The following TBC1D4 variants were observed in gnomAD, a reference collection of about 807,000 sequenced individuals.
TBC1D4 encodes TBC1 domain family member 4.
A neutral mutation model predicts 142.5 loss-of-function variants in TBC1D4; 121 were observed. The observed-to-expected ratio is 0.85, with a 90% CI of 0.73 to 0.99. TBC1D4 has a LOEUF of 0.99. Among genes scored for constraint, TBC1D4 ranks in the 50% least tolerant of loss-of-function variants. The pLI is 0.00. For synonymous variants in TBC1D4, 630 were observed against 628.2 expected (o/e 1.00, Z -0.04); for missense variants, 1,475 against 1,606.6 (o/e 0.92, Z 1.40).
chr13:75,430,355 A>T (rs1886546145), intron 1 of TBC1D4, among the ~76,000 whole-genome samples: 1 of 152,210 alleles, frequency 6.6e-6, no homozygotes, highest in South Asian at 2.1e-4. Flanking sequence ...TCATTTCTTT[A>T]AAAATTAAAC....
chr13:75,428,242 C>T (rs758995662), intron 1 of TBC1D4, among the ~76,000 whole-genome samples: 4 of 152,050 alleles, frequency 2.6e-5, no homozygotes, highest in Non-Finnish European at 5.9e-5. Context: ...TAAAATGCTT[C>T]GTGTCATGAA....
Position 75,294,921 on chromosome 13 carries a change from A to G in TBC1D4, c.3249T>C (p.Tyr1083=), listed in dbSNP as rs368043001. Residue 1083 remains tyrosine (Y), a synonymous_variant, in exon 18 of 21, where the codon TAT becomes TAC. Transcript: ENST00000377636. Reference sequence around the variant, plus strand: ...ACAATGTGAGGAACCAGGGGGCAGCATAAAGACTGGGGCTGATTTCATTTT... The same window carrying G: ...ACAATGTGAGGAACCAGGGGGCAGCGTAAAGACTGGGGCTGATTTCATTTT... ...LEENEISPSL[Y]AAPWFLTLFA... The G allele has an allele frequency of 2.5e-6, 4 of 1,613,920 alleles. No individual in the cohort carries two copies. The African/African-American group carries it at 5.3e-5, about 22-fold the overall frequency.
At chr13:75,397,072 A>C (rs892997697) in intron 1 of TBC1D4, among the ~76,000 whole-genome samples, 2 of 152,164 alleles carry the variant, frequency 1.3e-5, no homozygotes, top group Non-Finnish European at 2.9e-5. Flanking sequence ...CTAGGAAATG[A>C]ATGGATTTCA....
At chr13:75,434,706 ATAT>A (rs1015846624) in intron 1 of TBC1D4, among the ~76,000 whole-genome samples, 1 of 152,142 alleles carries the variant, frequency 6.6e-6, no homozygotes, top group Non-Finnish European at 1.5e-5. Flanking sequence ...ATAAGATGAA[ATAT>A]TAATAACACA....
At chr13:75,339,029 G>T (rs1221582194) in intron 7 of TBC1D4, among the ~76,000 whole-genome samples, 2 of 152,122 alleles carry the variant, frequency 1.3e-5, no homozygotes, top group African/African-American at 4.8e-5. Context: ...TCAAATAAAT[G>T]CTTCAAGACG....
intron 1 of TBC1D4, among the ~76,000 whole-genome samples, chr13:75,409,661 A>T (rs188017466): frequency 6.6e-6 from 1 of 152,358 alleles, no homozygotes; most frequent in East Asian, 1.9e-4. Context: ...AATCTTAAAT[A>T]TAATTTTAAG....
At position 75,362,401 on chromosome 13, in the gene TBC1D4, C is replaced by G. The variant is rs1882606660; in HGVS notation, c.705G>C (p.Gln235His). The change falls in exon 2 of 21, where the codon CAG (glutamine) becomes CAC (histidine). Residue 235 changes from glutamine to histidine, a missense_variant. Physicochemically the swap from Gln to His is conservative, Grantham distance 24. Coordinates refer to ENST00000377636, the MANE Select transcript of TBC1D4 (RefSeq NM_014832.5). This position sits in a 1 kb window ranked among gnomAD's most constrained non-coding sequence, Gnocchi z 4.2. The part of the protein sequence containing the change: ...CMEKFSLHEQ[Q>H]RLKIQGEQRG... ...GCTGCTCCCCTTGGATCTTCAGGCG[C>G]TGCTGTTCGTGCAGGCTGAACTTCT... The G allele has an allele frequency of 6.2e-7, 1 of 1,614,252 alleles. No homozygotes were observed. The highest frequency in any genetic ancestry group is 8.5e-7 in the Non-Finnish European group (1 of 1,180,048).
intron 1 of TBC1D4, among the ~76,000 whole-genome samples, chr13:75,396,219 T>C (rs1884790333): frequency 6.6e-6 from 1 of 152,234 alleles, no homozygotes; most frequent in African/African-American, 2.4e-5. Context: ...CCATTCATTA[T>C]ACTAAAACAA....
At chr13:75,403,428 A>G (rs1885193887) in intron 1 of TBC1D4, among the ~76,000 whole-genome samples, 1 of 152,232 alleles carries the variant, frequency 6.6e-6, no homozygotes, top group Non-Finnish European at 1.5e-5. Context: ...ATGTTTTGAG[A>G]TATTCTTGTA....
At chr13:75,325,883 C>T (rs1879191654) in intron 10 of TBC1D4, among the ~76,000 whole-genome samples, 1 of 152,148 alleles carries the variant, frequency 6.6e-6, no homozygotes, top group Non-Finnish European at 1.5e-5. Flanking sequence ...TCTCTAGAAT[C>T]ATCATCAAGA....
intron 1 of TBC1D4, among the ~76,000 whole-genome samples, chr13:75,370,232 C>T (rs1047012630): frequency 3.3e-5 from 5 of 151,976 alleles, no homozygotes; most frequent in East Asian, 1.9e-4. Context: ...AGTGAGCACG[C>T]GATTATGGGG....
chr13:75,419,286 C>G (rs943150833), intron 1 of TBC1D4, among the ~76,000 whole-genome samples: 4 of 152,260 alleles, frequency 2.6e-5, no homozygotes, highest in East Asian at 1.9e-4. Flanking sequence ...GCCTCTCTAC[C>G]GTTCTGCCTC....
intron 8 of TBC1D4, among the ~76,000 whole-genome samples, chr13:75,332,689 T>C (rs994429349): frequency 3.9e-5 from 6 of 152,190 alleles, no homozygotes; most frequent in African/African-American, 1.4e-4. Flanking sequence ...TTTATGAAAT[T>C]TGCATTGGCA....
At chr13:75,399,513 G>A (rs1382265561) in intron 1 of TBC1D4, among the ~76,000 whole-genome samples, 1 of 113,404 alleles carries the variant, frequency 8.8e-6, no homozygotes, top group Non-Finnish European at 1.9e-5. Flanking sequence ...CTCTGCAACT[G>A]AGAAACCACA....
intron 17 of TBC1D4, 76 bp from the exon 18 acceptor site, chr13:75,295,089 T>G (rs1444300563): frequency 1.5e-6 from 2 of 1,326,370 alleles, no homozygotes; most frequent in Non-Finnish European, 2.1e-6. Flanking sequence ...ATTTTAATTT[T>G]ATTCTAATAT....
chr13:75,329,421 C>G (rs1012451434), intron 8 of TBC1D4, among the ~76,000 whole-genome samples: 1 of 150,786 alleles, frequency 6.6e-6, no homozygotes, highest in Non-Finnish European at 1.5e-5. Flanking sequence ...CACGTCTCCT[C>G]TCCTCTCTCT....
intron 1 of TBC1D4, among the ~76,000 whole-genome samples, chr13:75,369,132 G>A (rs1883086751): frequency 6.6e-6 from 1 of 152,148 alleles, no homozygotes; most frequent in Admixed American, 6.5e-5. Context: ...ACAGAAGATG[G>A]CATGCTTGGG....
chr13:75,325,701 T>C (rs1246312985), intron 10 of TBC1D4, among the ~76,000 whole-genome samples: 2 of 152,240 alleles, frequency 1.3e-5, no homozygotes, highest in Non-Finnish European at 2.9e-5. Flanking sequence ...TTATTCTAGA[T>C]ACAATTTATA....
chr13:75,324,476 A>G (rs2138000134), intron 10 of TBC1D4, 75 bp from the exon 11 acceptor site: 2 of 1,539,244 alleles, frequency 1.3e-6, no homozygotes, highest in East Asian at 2.4e-5. Flanking sequence ...GAAAAAGCAT[A>G]TAAACAGGTT....
Sources: gnomAD v4.1 joint callset for allele counts (sites outside exome capture counted in the v4.1 genomes callset) on GRCh38, gnomAD v4.1.1 for gene constraint, Gnocchi (gnomAD v3.1) non-coding constraint, MANE v1.5 for transcripts, NCBI Gene and HGNC (gene_info 2026-07-23, HGNC 2026-07-21) for gene names.